MLPH: variants seen among roughly 807,000 people sequenced by gnomAD.
MLPH encodes melanophilin.
Under a neutral mutation model 72.1 loss-of-function variants are expected in MLPH, and 51 were observed. The ratio of observed to expected loss-of-function variants is 0.71; its 90% CI spans 0.56 to 0.89. MLPH has a LOEUF of 0.89. Ranked by LOEUF, MLPH falls within the 40% of genes least tolerant of loss-of-function variation. The probability of loss-of-function intolerance (pLI) is 0.00; values close to 1 mark genes in which losing one functional copy is unlikely to be tolerated. For missense variants in MLPH, 743 were observed against 759.9 expected (o/e 0.98, Z 0.26); for synonymous variants, 301 against 310.1 (o/e 0.97, Z 0.31).
At chr2:237,546,550 C>T in intron 12 of MLPH, 56 bp from the exon 13 acceptor site, 1 of 1,486,502 alleles carries the variant, frequency 6.7e-7, no homozygotes, top group Non-Finnish European at 9.4e-7. Flanking sequence ...CATGCCCATG[C>T]TCCTCCCTGT....
At chr2:237,489,230 G>T (rs2079380860) in intron 1 of MLPH, among the ~76,000 whole-genome samples, 1 of 152,232 alleles carries the variant, frequency 6.6e-6, no homozygotes, top group Non-Finnish European at 1.5e-5. Context: ...GAGGCTTTAG[G>T]TGTAAATGCA....
chr2:237,496,717 G>C (rs13410662), intron 2 of MLPH, among the ~76,000 whole-genome samples: 7 of 151,980 alleles, frequency 4.6e-5, no homozygotes, highest in Middle Eastern at 3.2e-3. Context: ...ATGTGATTAG[G>C]GGGGGGCTTG....
intron 7 of MLPH, among the ~76,000 whole-genome samples, chr2:237,526,161 C>A (rs115751387): frequency 6.6e-6 from 1 of 152,274 alleles, no homozygotes; most frequent in Non-Finnish European, 1.5e-5. Context: ...TGGGCATTGC[C>A]ACTGCTGGCC....
intron 2 of MLPH, among the ~76,000 whole-genome samples, chr2:237,498,055 A>G (rs946897924): frequency 2.0e-5 from 3 of 152,156 alleles, no homozygotes; most frequent in East Asian, 1.9e-4. Context: ...CTGATTGGAG[A>G]GAGGAGAGAA....
chr2:237,512,121 G>A lies in MLPH; in HGVS notation c.445+1020G>A, dbSNP rs1389289445. ...GGCAGCGCCTGGCTCCGGCAGCTGG[G>A]CACGTCCAGGGCAGAGGCTGTGCTT... On this transcript the variant is annotated intron_variant, in intron 4 of 15. Coordinates refer to ENST00000264605, the MANE Select transcript of MLPH (RefSeq NM_024101.7). This position sits in a 1 kb window ranked among gnomAD's most constrained non-coding sequence, Gnocchi z 5.5. 1.3e-5 allele frequency among the ~76,000 whole-genome samples: 2 copies of A among 152,226 alleles called. No individual in the cohort carries two copies. Among genetic ancestry groups the A allele is most frequent in the East Asian group, 1.9e-4 (1 of 5,200 alleles).
Position 237,553,789 on chromosome 2 carries a change from T to A in MLPH, c.*197T>A, listed in dbSNP as rs2081084343. On this transcript the variant is annotated 3_prime_UTR_variant, in exon 16 of 16. Coordinates refer to ENST00000264605, the MANE Select transcript of MLPH (RefSeq NM_024101.7). ...TCCTGCACTGCTCACCTGGGTTTAC[T>A]GATGACTCCTGGCTGCCCCACCATC... 1 of 783,368 alleles carries A rather than the reference T, an allele frequency of 1.3e-6. No homozygotes were observed. Among genetic ancestry groups the A allele is most frequent in the African/African-American group, 1.7e-5 (1 of 58,914 alleles). The allele number at this position is 783,368 out of a possible 1,614,324, so 48.5% of individuals were successfully genotyped here. A position where few individuals can be genotyped will look rare whatever the true frequency, so the allele number is the denominator to read the frequency against.
intron 15 of MLPH, 48 bp downstream of exon 15, chr2:237,552,485 C>G (rs75124000): frequency 1.3e-6 from 2 of 1,484,306 alleles, no homozygotes; most frequent in Non-Finnish European, 1.9e-6. Context: ...TTCAGTGACC[C>G]GTCAGATTTA....
At chr2:237,535,357 C>G (rs1264479646) in intron 9 of MLPH, among the ~76,000 whole-genome samples, 1 of 151,912 alleles carries the variant, frequency 6.6e-6, no homozygotes, top group Non-Finnish European at 1.5e-5. Flanking sequence ...TCCCACCTCT[C>G]AACACTATTG....
At chr2:237,492,755 C>T (rs1295289144) in intron 1 of MLPH, among the ~76,000 whole-genome samples, 1 of 152,188 alleles carries the variant, frequency 6.6e-6, no homozygotes, top group African/African-American at 2.4e-5. Flanking sequence ...ATATGACCTC[C>T]CCCTGGAACC....
Position 237,515,045 on chromosome 2 carries a change from C to T in MLPH, c.446-3494C>T, listed in dbSNP as rs144531771. Among the ~76,000 whole-genome samples, 1,448 of 152,316 alleles carry T rather than the reference C, an allele frequency of 9.5e-3. 15 individuals are homozygous for T. The highest frequency in any genetic ancestry group is 0.016 in the Non-Finnish European group (1,083 of 68,026). On this transcript the variant is annotated intron_variant, in intron 4 of 15. Transcript: ENST00000264605. Reference sequence around the variant, plus strand: ...AGTTTTGCCAACTGGTTGACTATTTCTATCTCTGTATTATAAATGGAAAAC... The same window carrying T: ...AGTTTTGCCAACTGGTTGACTATTTTTATCTCTGTATTATAAATGGAAAAC...
intron 15 of MLPH, 26 bp from the exon 16 acceptor site, chr2:237,553,540 T>A: frequency 5.0e-6 from 8 of 1,611,966 alleles, no homozygotes; most frequent in Non-Finnish European, 5.9e-6. Context: ...TGTGCTTATA[T>A]GTGCATGTGT....
intron 7 of MLPH, among the ~76,000 whole-genome samples, chr2:237,526,514 C>T (rs2080308575): frequency 1.3e-5 from 2 of 152,150 alleles, no homozygotes; most frequent in African/African-American, 4.8e-5. Context: ...CAGGGCTCTA[C>T]TTTCCCCCAA....
At chr2:237,486,972 G>A (rs1471929135), upstream of MLPH, among the ~76,000 whole-genome samples, 1 of 152,150 alleles carries the variant, frequency 6.6e-6, no homozygotes, top group Non-Finnish European at 1.5e-5. Flanking sequence ...AGGCAGGACC[G>A]CGGCGCGATG....
chr2:237,545,183 GA>G (rs36129181), intron 12 of MLPH, among the ~76,000 whole-genome samples: 704 of 29,546 alleles, frequency 0.024, 86 homozygotes, highest in Non-Finnish European at 0.033. Flanking sequence ...GTGGTGAGTG[GA>G]GGGCACAGTG....
At chr2:237,517,339 G>A (rs1198664181) in intron 4 of MLPH, among the ~76,000 whole-genome samples, 41 of 150,612 alleles carry the variant, frequency 2.7e-4, no homozygotes, top group African/African-American at 8.5e-4. Flanking sequence ...GGATAAGTAG[G>A]TGGATGGGCG....
chr2:237,514,373 A>G (rs1327321982), intron 4 of MLPH, among the ~76,000 whole-genome samples: 1 of 152,106 alleles, frequency 6.6e-6, no homozygotes, highest in Non-Finnish European at 1.5e-5. Context: ...TGCTGGGATT[A>G]CAAGCATAAA....
Position 237,503,237 on chromosome 2 carries a change from A to G in MLPH, c.111-7337A>G, listed in dbSNP as rs1366763744. Among the ~76,000 whole-genome samples, 3 of 152,202 alleles carry G rather than the reference A, an allele frequency of 2.0e-5. No homozygotes were observed. The East Asian group carries it at 5.8e-4, about 29-fold the overall frequency. On this transcript the variant is annotated intron_variant, in intron 2 of 15. Coordinates refer to ENST00000264605, the MANE Select transcript of MLPH (RefSeq NM_024101.7). ...ACAGGCAACTCTAGAGATGAAAAAA[A>G]TAGGGGCTAAAACAGGGACTCCGCT...
chr2:237,517,465 GGATA>G (rs530545584), intron 4 of MLPH, among the ~76,000 whole-genome samples: 42 of 151,426 alleles, frequency 2.8e-4, no homozygotes, highest in African/African-American at 8.0e-4. Context: ...ATGGATGGAT[GGATA>G]GATAGATAAG....
intron 2 of MLPH, among the ~76,000 whole-genome samples, chr2:237,502,818 T>A (rs2079679492): frequency 6.6e-6 from 1 of 152,158 alleles, no homozygotes; most frequent in South Asian, 2.1e-4. Context: ...GTGGCTTGCT[T>A]TAAAAAAAAT....
Sources: gnomAD v4.1 joint callset for allele counts (sites outside exome capture counted in the v4.1 genomes callset) on GRCh38, gnomAD v4.1.1 for gene constraint, Gnocchi (gnomAD v3.1) non-coding constraint, MANE v1.5 for transcripts, NCBI Gene and HGNC (gene_info 2026-07-23, HGNC 2026-07-21) for gene names.